Variants in ASIC2 observed in about 807,000 individuals in gnomAD.
ASIC2 encodes acid-sensing ion channel 2.
Under a neutral mutation model 57.3 loss-of-function variants are expected in ASIC2, and 25 were observed. The ratio of observed to expected loss-of-function variants is 0.44; its 90% CI spans 0.32 to 0.61. The LOEUF (loss-of-function observed/expected upper bound fraction) is 0.61, where lower values mean the gene tolerates loss of function less well. Among genes scored for constraint, ASIC2 ranks in the 20% least tolerant of loss-of-function variants. The pLI is 0.06. For synonymous variants in ASIC2, 319 were observed against 307.5 expected (o/e 1.04, Z -0.39); for missense variants, 641 against 738.1 (o/e 0.87, Z 1.52).
intron 1 of ASIC2, among the ~76,000 whole-genome samples, chr17:33,134,402 G>A (rs904045331): frequency 5.3e-5 from 8 of 152,212 alleles, no homozygotes; most frequent in African/African-American, 1.7e-4. Flanking sequence ...ACACTTTGGA[G>A]AGTGAAAGCA....
chr17:33,681,261 C>G (rs1426315028), intron 1 of ASIC2, among the ~76,000 whole-genome samples: 1 of 152,238 alleles, frequency 6.6e-6, no homozygotes. Context: ...GGCAGAGTTT[C>G]TCAACCTCAG....
chr17:33,585,678 G>A (rs904343494), intron 1 of ASIC2, among the ~76,000 whole-genome samples: 1 of 152,134 alleles, frequency 6.6e-6, no homozygotes, highest in African/African-American at 2.4e-5. Context: ...TAAGACAGAA[G>A]GAATCAGCTA....
chr17:34,132,216 G>C (rs1041191468), intron 1 of ASIC2, among the ~76,000 whole-genome samples: 10 of 152,088 alleles, frequency 6.6e-5, no homozygotes, highest in African/African-American at 2.4e-4. Flanking sequence ...GGTTCCTCCC[G>C]GTAAGTTCGT....
intron 1 of ASIC2, among the ~76,000 whole-genome samples, chr17:34,114,628 C>T (rs1041288999): frequency 5.9e-5 from 9 of 152,158 alleles, no homozygotes; most frequent in African/African-American, 2.2e-4. Context: ...TTGCCCAATA[C>T]CTGGTACCTA....
chr17:33,492,650 C>T (rs765562251), intron 1 of ASIC2, among the ~76,000 whole-genome samples: 10 of 152,198 alleles, frequency 6.6e-5, no homozygotes, highest in Non-Finnish European at 1.5e-4. Flanking sequence ...CCTGCACAAT[C>T]CAGAGTGAGG....
chr17:34,104,682 G>A (rs950637472), intron 1 of ASIC2, among the ~76,000 whole-genome samples: 1 of 151,984 alleles, frequency 6.6e-6, no homozygotes, highest in Admixed American at 6.6e-5. Context: ...ATGAGTGCTG[G>A]ATATTGTTAA....
chr17:33,078,351 T>G (rs2141955902), intron 3 of ASIC2, among the ~76,000 whole-genome samples: 1 of 152,348 alleles, frequency 6.6e-6, no homozygotes, highest in African/African-American at 2.4e-5. Flanking sequence ...CATTTCTAGC[T>G]TATCCTTTCT....
chr17:33,498,530 G>A (rs1597752801), intron 1 of ASIC2, among the ~76,000 whole-genome samples: 1 of 152,186 alleles, frequency 6.6e-6, no homozygotes, highest in African/African-American at 2.4e-5. Flanking sequence ...GGGAGCCGGG[G>A]CTGACAAGCA....
chr17:34,150,735 G>A (rs1904482208), intron 1 of ASIC2, among the ~76,000 whole-genome samples: 1 of 152,208 alleles, frequency 6.6e-6, no homozygotes, highest in Admixed American at 6.5e-5. Context: ...ATGGGCAATG[G>A]TTTCCTGGAG....
At chr17:34,057,983 C>T (rs1273619649) in intron 1 of ASIC2, among the ~76,000 whole-genome samples, 2 of 152,168 alleles carry the variant, frequency 1.3e-5, no homozygotes, top group African/African-American at 2.4e-5. Context: ...GACACCTACA[C>T]CCATGTACTT....
In ASIC2 at chr17:33,276,241, C is replaced by T. The variant is rs1368151021; in HGVS notation, c.708+15167G>A. The stretch of plus-strand genomic sequence containing the variant: ...CTAAATAATAATAAATAAATATTGT[C>T]AATCAATAAATAAAAGAGTAAGCAA... On this transcript the variant is annotated intron_variant, in intron 1 of 9. Coordinates refer to ENST00000225823, the MANE Select transcript of ASIC2 (RefSeq NM_183377.2). Among the ~76,000 whole-genome samples, 3 of 144,810 alleles carry T rather than the reference C, an allele frequency of 2.1e-5. No individual in the cohort carries two copies. The East Asian group carries it at 6.2e-4, about 30-fold the overall frequency.
At chr17:33,519,766 AC>A (rs1180826925) in intron 1 of ASIC2, among the ~76,000 whole-genome samples, 1 of 152,180 alleles carries the variant, frequency 6.6e-6, no homozygotes, top group Non-Finnish European at 1.5e-5. Context: ...GTGCCCAGGC[AC>A]TGCTAGACCG....
At chr17:33,269,385 T>C (rs987994948) in intron 1 of ASIC2, among the ~76,000 whole-genome samples, 3 of 152,124 alleles carry the variant, frequency 2.0e-5, no homozygotes, top group African/African-American at 7.2e-5. Flanking sequence ...TATCAAGTGG[T>C]GTCCCATCGG....
At chr17:33,463,214 T>A (rs1299184411) in intron 1 of ASIC2, among the ~76,000 whole-genome samples, 1 of 152,210 alleles carries the variant, frequency 6.6e-6, no homozygotes, top group Non-Finnish European at 1.5e-5. Context: ...GTCCTCCTGT[T>A]CAACTTAAAC....
intron 1 of ASIC2, among the ~76,000 whole-genome samples, chr17:33,975,283 G>C (rs952595151): frequency 1.5e-4 from 23 of 152,166 alleles, no homozygotes; most frequent in Non-Finnish European, 4.4e-5. Flanking sequence ...GCAGGGATCA[G>C]AGCCCAAATA....
intron 1 of ASIC2, chr17:33,572,132 T>C (rs1402110664): frequency 6.6e-6 from 1 of 152,248 alleles, no homozygotes; most frequent in Non-Finnish European, 1.5e-5. Context: ...TGTGCATATA[T>C]ATTAGCAGGA....
intron 1 of ASIC2, among the ~76,000 whole-genome samples, chr17:33,737,219 A>T (rs1183507752): frequency 1.3e-5 from 2 of 152,260 alleles, no homozygotes; most frequent in African/African-American, 4.8e-5. Context: ...TATCAGTAGG[A>T]TTGCTGATCA....
intron 1 of ASIC2, among the ~76,000 whole-genome samples, chr17:33,409,994 C>T (rs984539640): frequency 7.9e-5 from 12 of 152,158 alleles, no homozygotes; most frequent in Admixed American, 3.9e-4. Context: ...TCAGCAGGAC[C>T]GTGTCTGTTC....
intron 1 of ASIC2, among the ~76,000 whole-genome samples, chr17:33,143,128 G>A (rs1904395411): frequency 1.3e-5 from 2 of 152,236 alleles, no homozygotes; most frequent in Non-Finnish European, 2.9e-5. Flanking sequence ...CCTGATGCTA[G>A]TCAATAATTG....
Sources: gnomAD v4.1 joint callset for allele counts (sites outside exome capture counted in the v4.1 genomes callset) on GRCh38, gnomAD v4.1.1 for gene constraint, MANE v1.5 for transcripts, NCBI Gene and HGNC (gene_info 2026-07-23, HGNC 2026-07-21) for gene names.